MANEA: variants seen among roughly 807,000 people sequenced by gnomAD.
MANEA encodes the protein mannosidase endo-alpha, also known as glycoprotein endo-alpha-1,2-mannosidase.
A neutral mutation model predicts 36.8 loss-of-function variants in MANEA; 25 were observed. That is an observed-to-expected ratio of 0.68 (90% CI 0.50 to 0.95). MANEA has a LOEUF of 0.95. Ranked by LOEUF, MANEA falls within the 40% of genes least tolerant of loss-of-function variation. MANEA has a pLI of 0.00. For missense variants in MANEA, 565 were observed against 558.8 expected, an observed-to-expected ratio of 1.01 and a Z score of -0.11; for synonymous variants, 198 against 188.5, an observed-to-expected ratio of 1.05 and a Z score of -0.41.
At position 95,606,158 on chromosome 6, in the gene MANEA, A is replaced by ATTATGAAATTGGTCTGAG. The variant is rs760948782; in HGVS notation, c.1144_1161dup (p.Tyr382_Ser387dup). ...ACTCGGAACCGAATCAATGGGAAGT[A>ATTATGAAATTGGTCTGAG]TTATGAAATTGGTCTGAGTGCCGCA... On this transcript the variant is annotated inframe_insertion, in exon 5 of 5. Transcript: ENST00000358812. The ATTATGAAATTGGTCTGAG allele has an allele frequency of 6.2e-7, 1 of 1,614,128 alleles. No homozygotes were observed. The highest frequency in any genetic ancestry group is 1.3e-5 in the African/African-American group (1 of 75,034).
intron 2 of MANEA, among the ~76,000 whole-genome samples, chr6:95,593,986 T>G (rs373222933): frequency 1.3e-5 from 2 of 151,694 alleles, no homozygotes; most frequent in East Asian, 3.9e-4. Flanking sequence ...CACTTGAACC[T>G]GGGAGGCGGA....
At chr6:95,584,164 G>A (rs973425635) in intron 1 of MANEA, among the ~76,000 whole-genome samples, 5 of 152,080 alleles carry the variant, frequency 3.3e-5, no homozygotes, top group African/African-American at 7.2e-5. Flanking sequence ...ATTGTAAAAC[G>A]TGTGTTTGAA....
chr6:95,583,340 C>T (rs1384959890), intron 1 of MANEA, among the ~76,000 whole-genome samples: 1 of 151,822 alleles, frequency 6.6e-6, no homozygotes, highest in Non-Finnish European at 1.5e-5. Context: ...TATAATCATA[C>T]ATATTTATAT....
chr6:95,597,463 T>C (rs1162960243), intron 3 of MANEA, among the ~76,000 whole-genome samples: 3 of 152,052 alleles, frequency 2.0e-5, no homozygotes, highest in African/African-American at 4.8e-5. Context: ...GAAAATTTTA[T>C]ACTGAATAGC....
chr6:95,603,992 T>A (rs73548692), intron 3 of MANEA, among the ~76,000 whole-genome samples: 1,712 of 151,912 alleles, frequency 0.011, 38 homozygotes, highest in African/African-American at 0.04. Flanking sequence ...TAAAAATATT[T>A]GTAATTACTG....
intron 2 of MANEA, among the ~76,000 whole-genome samples, chr6:95,595,282 T>C (rs1711667542): frequency 6.6e-6 from 1 of 152,194 alleles, no homozygotes; most frequent in South Asian, 2.1e-4. Flanking sequence ...TCTTACAAGA[T>C]TGTAAGTGAT....
At chr6:95,597,007 A>G (rs905876469) in intron 3 of MANEA, among the ~76,000 whole-genome samples, 161 bp downstream of exon 3, 2 of 152,070 alleles carry the variant, frequency 1.3e-5, no homozygotes, top group East Asian at 1.9e-4. Context: ...AGGAATTTCA[A>G]TCTTATCTAA....
chr6:95,586,655 T>A lies in MANEA; in HGVS notation c.216T>A (p.Asn72Lys), dbSNP rs1769287955. The A allele has an allele frequency of 1.2e-6, 2 of 1,613,978 alleles. No homozygotes were observed. The highest frequency in any genetic ancestry group is 1.7e-6 in the Non-Finnish European group (2 of 1,179,962). ...QKSDRINSET[N>K]TKNLKSVEIT... is the part of the protein sequence containing the mutation. ...GTGACAGAATCAACAGTGAAACAAA[T>A]ACCAAGAATTTAAAAAGTGTTGAAA... is the stretch of plus-strand genomic sequence containing the variant. Residue 72 changes from asparagine (N) to lysine (K), a missense_variant, in exon 2 of 5, where the codon AAT (asparagine) becomes AAA (lysine). Physicochemically the swap from Asn to Lys is moderately conservative, Grantham distance 94. Coordinates refer to ENST00000358812, the MANE Select transcript of MANEA (RefSeq NM_024641.4).
chr6:95,579,890 A>G (rs186034873), intron 1 of MANEA, among the ~76,000 whole-genome samples: 1 of 152,288 alleles, frequency 6.6e-6, no homozygotes, highest in East Asian at 1.9e-4. Context: ...GAGAAAACAG[A>G]TTTTCAGTAG....
intron 3 of MANEA, among the ~76,000 whole-genome samples, chr6:95,602,864 C>CA (rs1172039018): frequency 6.7e-6 from 1 of 149,968 alleles, no homozygotes; most frequent in Non-Finnish European, 1.5e-5. Flanking sequence ...ACTAAAAATA[C>CA]AAAAAATTAG....
At position 95,606,109 on chromosome 6, in the gene MANEA, A is replaced by C; in HGVS notation, c.1093A>C (p.Ile365Leu). The change falls in exon 5 of 5, where the codon ATC becomes CTC. Residue 365 changes from isoleucine to leucine, a missense_variant. Coordinates refer to ENST00000358812, the MANE Select transcript of MANEA (RefSeq NM_024641.4). ...SVGPGYIDTS[I>L]RPWNTQNTRN... ...GGGCCCAGGATACATAGATACCAGC[A>C]TCCGTCCATGGAACACGCAAAACAC... The C allele has an allele frequency of 6.2e-7, 1 of 1,614,030 alleles. No individual in the cohort carries two copies. Among genetic ancestry groups the C allele is most frequent in the Admixed American group, 1.7e-5 (1 of 60,012 alleles).
At chr6:95,590,950 T>C (rs1223017587) in intron 2 of MANEA, among the ~76,000 whole-genome samples, 1 of 152,224 alleles carries the variant, frequency 6.6e-6, no homozygotes, top group African/African-American at 2.4e-5. Flanking sequence ...ATTTTTGATT[T>C]TGTGAGTCCC....
rs1221447706 is a variant in MANEA at position 95,607,292 on chromosome 6, G to T, written c.*887G>T. On this transcript the variant is annotated 3_prime_UTR_variant, in exon 5 of 5. Transcript: ENST00000358812. ...CCAAATATCATTTTTAGTATATCTT[G>T]TCGATCTTTAAGTTGTTACTATTGT... The T allele has an allele frequency of 2.0e-5, 3 of 151,964 alleles. No homozygotes were observed. Among genetic ancestry groups the T allele is most frequent in the Admixed American group, 6.6e-5 (1 of 15,240 alleles). The allele number at this position is 151,964 out of a possible 1,614,324, so 9.4% of individuals were successfully genotyped here.
At chr6:95,585,641 A>G (rs1168281168) in intron 1 of MANEA, among the ~76,000 whole-genome samples, 1 of 152,336 alleles carries the variant, frequency 6.6e-6, no homozygotes, top group Non-Finnish European at 1.5e-5. Flanking sequence ...AAAATTGGGA[A>G]TATCTTACTT....
At chr6:95,587,210 A>G (rs1251785392) in intron 2 of MANEA, 1 of 448,582 alleles carries the variant, frequency 2.2e-6, no homozygotes, top group Non-Finnish European at 4.0e-6. Flanking sequence ...ATTTCTGGAT[A>G]TATTGTTGAT....
At chr6:95,604,998 G>A in intron 4 of MANEA, 95 bp downstream of exon 4, 1 of 435,044 alleles carries the variant, frequency 2.3e-6, no homozygotes, top group South Asian at 7.0e-5. Flanking sequence ...AGATTTGAAT[G>A]ATTTATGATT....
intron 2 of MANEA, among the ~76,000 whole-genome samples, chr6:95,591,565 T>A (rs1409274416): frequency 6.6e-6 from 1 of 152,118 alleles, no homozygotes; most frequent in African/African-American, 2.4e-5. Context: ...TTCTATTTTG[T>A]TTTTTAGCAG....
chr6:95,599,740 T>A (rs1046592497), intron 3 of MANEA, among the ~76,000 whole-genome samples: 3 of 152,174 alleles, frequency 2.0e-5, no homozygotes, highest in African/African-American at 7.2e-5. Context: ...TAGGCAAGCA[T>A]TTTTTTATTT....
chr6:95,597,968 T>G (rs1033304587), intron 3 of MANEA, among the ~76,000 whole-genome samples: 1 of 152,134 alleles, frequency 6.6e-6, no homozygotes, highest in Non-Finnish European at 1.5e-5. Flanking sequence ...ATACCTATAG[T>G]TTCAGAAGAG....
Sources: gnomAD v4.1 joint callset for allele counts (sites outside exome capture counted in the v4.1 genomes callset) on GRCh38, gnomAD v4.1.1 for gene constraint, MANE v1.5 for transcripts, NCBI Gene and HGNC (gene_info 2026-07-23, HGNC 2026-07-21) for gene names.